The following TMEM132B variants were observed in gnomAD, a reference collection of about 807,000 sequenced individuals.
TMEM132B encodes the protein transmembrane protein 132B.
TMEM132B carries 18 observed loss-of-function variants against 90.8 expected under a neutral mutation model. The ratio of observed to expected loss-of-function variants is 0.20; its 90% confidence interval spans 0.14 to 0.29. The LOEUF is 0.29. Among genes scored for constraint, TMEM132B ranks in the 10% least tolerant of loss-of-function variants. The probability of loss-of-function intolerance (pLI) is 1.00; values close to 1 mark genes in which losing one functional copy is unlikely to be tolerated. For synonymous variants in TMEM132B, 504 were observed against 523.3 expected (o/e 0.96, Z 0.50); for missense variants, 1,096 against 1,326.8 (o/e 0.83, Z 2.70).
chr12:125,452,953 T>C (rs1881193544), intron 3 of TMEM132B, among the ~76,000 whole-genome samples: 1 of 152,218 alleles, frequency 6.6e-6, no homozygotes. Flanking sequence ...GTTGTAAGTA[T>C]TGCGGTAGTT....
intron 2 of TMEM132B, among the ~76,000 whole-genome samples, chr12:125,359,110 T>A (rs990434234): frequency 6.6e-6 from 1 of 152,184 alleles, no homozygotes. Flanking sequence ...CAAAACAGGA[T>A]CGAGCACATG....
At position 125,271,792 on chromosome 12, in the gene TMEM132B, A is replaced by T. The variant is rs571444255; in HGVS notation, c.68-77660A>T. 2.6e-5 allele frequency among the ~76,000 whole-genome samples: 4 copies of T among 151,894 alleles called. No individual in the cohort carries two copies. The South Asian group carries it at 8.3e-4, about 32-fold the overall frequency. ...TTTAAATATATTACCTTCATATAATATATAATATATATTTGACCATATCTA... is the reference window on the plus strand; with the variant it reads ...TTTAAATATATTACCTTCATATAATTTATAATATATATTTGACCATATCTA... On this transcript the variant is annotated intron_variant, in intron 1 of 8. Transcript: ENST00000682704.
chr12:125,530,316 TTCTCTCTG>T (rs1217226505), intron 4 of TMEM132B, among the ~76,000 whole-genome samples: 1 of 151,942 alleles, frequency 6.6e-6, no homozygotes, highest in African/African-American at 2.4e-5. Context: ...CTCTCTCTCT[TTCTCTCTG>T]TCTCTCCTCC....
intron 5 of TMEM132B, among the ~76,000 whole-genome samples, chr12:125,595,168 A>T (rs1885411346): frequency 6.6e-6 from 1 of 152,080 alleles, no homozygotes; most frequent in Admixed American, 6.5e-5. Context: ...TGCCCTGTTG[A>T]GCTTTCTTTG....
chr12:125,511,508 G>A (rs994313622), intron 3 of TMEM132B, among the ~76,000 whole-genome samples: 51 of 151,716 alleles, frequency 3.4e-4, no homozygotes, highest in African/African-American at 1.1e-3. Flanking sequence ...TAGTCTGCTT[G>A]GTAGAAGAGA....
intron 3 of TMEM132B, among the ~76,000 whole-genome samples, chr12:125,443,505 A>G (rs1471751239): frequency 6.6e-6 from 1 of 152,100 alleles, no homozygotes; most frequent in African/African-American, 2.4e-5. Context: ...AAGACTCTTA[A>G]GTTGCAGCTC....
chr12:125,396,850 A>G (rs1879182722), intron 2 of TMEM132B, among the ~76,000 whole-genome samples: 1 of 152,228 alleles, frequency 6.6e-6, no homozygotes, highest in Non-Finnish European at 1.5e-5. Context: ...GTGAGGAAAC[A>G]GAGGCACAAA....
chr12:125,186,737 G>GCGGGC lies in TMEM132B; in HGVS notation c.-52_-48dup, dbSNP rs1305750122. The GCGGGC allele has an allele frequency of 2.0e-5, 3 of 146,896 alleles. No homozygotes were observed. Among genetic ancestry groups the GCGGGC allele is most frequent in the African/African-American group, 4.9e-5 (2 of 40,982 alleles). The allele number at this position is 146,896 out of a possible 1,614,324, so 9.1% of individuals were successfully genotyped here. On this transcript the variant is annotated 5_prime_UTR_variant, in exon 1 of 9. Transcript: ENST00000682704. This position sits in a 1 kb window ranked among gnomAD's most constrained non-coding sequence, Gnocchi z 6.3. Reference sequence around the variant, plus strand: ...GCCGCCGGGGGCTGCTCCGGGAGCCGCGGGCCGGGCCGGGCGCGCGAGAGG... The same window carrying GCGGGC: ...GCCGCCGGGGGCTGCTCCGGGAGCCGCGGGCCGGGCCGGGCCGGGCGCGCGAGAGG...
chr12:125,304,436 T>C (rs1875906646), intron 1 of TMEM132B, among the ~76,000 whole-genome samples: 1 of 152,144 alleles, frequency 6.6e-6, no homozygotes. Flanking sequence ...GCAAAATCCA[T>C]GAAGATTTGT....
At chr12:125,610,627 C>G (rs950847654) in intron 5 of TMEM132B, among the ~76,000 whole-genome samples, 17 of 151,538 alleles carry the variant, frequency 1.1e-4, no homozygotes, top group African/African-American at 4.1e-4. Flanking sequence ...ATCTCTCTCT[C>G]TCTCTCTCTC....
chr12:125,434,330 C>T (rs891596472), intron 3 of TMEM132B, among the ~76,000 whole-genome samples: 1 of 152,212 alleles, frequency 6.6e-6, no homozygotes, highest in Non-Finnish European at 1.5e-5. Flanking sequence ...TCTAACCACA[C>T]CTGCAAAGTC....
At chr12:125,495,482 A>T (rs1307801088) in intron 3 of TMEM132B, among the ~76,000 whole-genome samples, 1 of 152,174 alleles carries the variant, frequency 6.6e-6, no homozygotes, top group African/African-American at 2.4e-5. Context: ...ACTCAGGGTG[A>T]TAGCAGCTTT....
chr12:125,268,412 A>G (rs938261161), intron 1 of TMEM132B, among the ~76,000 whole-genome samples: 1 of 152,220 alleles, frequency 6.6e-6, no homozygotes, highest in Non-Finnish European at 1.5e-5. Context: ...AGGCAACCTG[A>G]ATGTCCATCA....
chr12:125,413,643 C>T (rs543044057), intron 2 of TMEM132B, among the ~76,000 whole-genome samples: 1 of 152,312 alleles, frequency 6.6e-6, no homozygotes, highest in African/African-American at 2.4e-5. Context: ...ATCACGTTAT[C>T]GAGGTTCATC....
intron 5 of TMEM132B, among the ~76,000 whole-genome samples, chr12:125,632,680 T>G (rs1420589600): frequency 6.7e-6 from 1 of 149,634 alleles, no homozygotes; most frequent in East Asian, 1.9e-4. Flanking sequence ...GTGTCAAAGT[T>G]TTTTTTTCCT....
intron 1 of TMEM132B, among the ~76,000 whole-genome samples, chr12:125,198,063 A>G (rs1381204409): frequency 6.6e-6 from 1 of 152,216 alleles, no homozygotes; most frequent in Non-Finnish European, 1.5e-5. Context: ...GTGTGATTCC[A>G]ATCCATAGAT....
chr12:125,278,938 C>T (rs776018855), intron 1 of TMEM132B, among the ~76,000 whole-genome samples: 4 of 152,264 alleles, frequency 2.6e-5, no homozygotes, highest in Middle Eastern at 3.4e-3. Context: ...TGTAACCCAG[C>T]GAGGGAAGAT....
At chr12:125,511,184 T>G (rs1882968331) in intron 3 of TMEM132B, among the ~76,000 whole-genome samples, 2 of 152,248 alleles carry the variant, frequency 1.3e-5, no homozygotes, top group Admixed American at 1.3e-4. Context: ...CTTCTTTCAC[T>G]TAGCATTATG....
At chr12:125,254,712 T>A (rs1451616402) in intron 1 of TMEM132B, among the ~76,000 whole-genome samples, 1 of 150,666 alleles carries the variant, frequency 6.6e-6, no homozygotes, top group Non-Finnish European at 1.5e-5. Flanking sequence ...AGATGGAGTT[T>A]CACTCTTGTC....
Sources: allele counts gnomAD v4.1 joint callset (sites outside exome capture counted in the v4.1 genomes callset), GRCh38; gene constraint gnomAD v4.1.1; non-coding constraint Gnocchi (gnomAD v3.1); transcripts MANE v1.5; gene names NCBI Gene and HGNC (gene_info 2026-07-23, HGNC 2026-07-21).